The following FAF1 variants were observed in gnomAD, a reference collection of about 807,000 sequenced individuals.
The protein encoded by FAF1 is Fas associated factor 1.
A neutral mutation model predicts 92.5 loss-of-function variants in FAF1; 25 were observed. That is an observed-to-expected ratio of 0.27 (90% confidence interval 0.20 to 0.38). FAF1 has a LOEUF of 0.38. Among genes scored for constraint, FAF1 ranks in the 10% least tolerant of loss-of-function variants. The pLI, the probability that FAF1 is intolerant of heterozygous loss-of-function variation, is 1.00. For missense variants in FAF1, 636 were observed against 793.3 expected (o/e 0.80, Z 2.38); for synonymous variants, 234 against 273.2 (o/e 0.86, Z 1.42).
intron 12 of FAF1, among the ~76,000 whole-genome samples, chr1:50,571,414 T>C (rs1004311516): frequency 6.6e-6 from 1 of 152,200 alleles, no homozygotes; most frequent in African/African-American, 2.4e-5. Flanking sequence ...AATGGGTTGT[T>C]GTAAGCATCG....
chr1:50,729,199 G>C (rs1235962786), intron 6 of FAF1, among the ~76,000 whole-genome samples: 2 of 151,332 alleles, frequency 1.3e-5, no homozygotes, highest in African/African-American at 4.9e-5. Flanking sequence ...GGGATAACAG[G>C]CATGCGCCAC....
chr1:50,493,365 G>A (rs546225106), intron 15 of FAF1, among the ~76,000 whole-genome samples: 2 of 152,282 alleles, frequency 1.3e-5, no homozygotes, highest in African/African-American at 4.8e-5. Flanking sequence ...CTATGCCTCT[G>A]TGGATAAGTC....
chr1:50,633,694 G>C (rs1653888134), intron 8 of FAF1, among the ~76,000 whole-genome samples: 2 of 152,300 alleles, frequency 1.3e-5, no homozygotes, highest in East Asian at 3.9e-4. Flanking sequence ...GGCATGTGCA[G>C]CCTCTCAGAG....
At chr1:50,920,258 C>T (rs545980851) in intron 1 of FAF1, among the ~76,000 whole-genome samples, 65 of 150,498 alleles carry the variant, frequency 4.3e-4, no homozygotes, top group African/African-American at 1.2e-3. Flanking sequence ...GCCAAGATCG[C>T]GCCACCACAC....
intron 8 of FAF1, among the ~76,000 whole-genome samples, chr1:50,635,001 A>G (rs1653945707): frequency 6.6e-6 from 1 of 152,218 alleles, no homozygotes; most frequent in South Asian, 2.1e-4. Context: ...CTTGGCTCAG[A>G]TAAGATCATG....
intron 2 of FAF1, among the ~76,000 whole-genome samples, chr1:50,836,974 T>TC (rs1397911641): frequency 6.8e-6 from 1 of 146,180 alleles, no homozygotes; most frequent in Non-Finnish European, 1.5e-5. Context: ...TTTTTTTTTT[T>TC]TGAGATGGAG....
intron 1 of FAF1, among the ~76,000 whole-genome samples, chr1:50,875,246 G>A (rs998343231): frequency 6.6e-6 from 1 of 151,500 alleles, no homozygotes; most frequent in Non-Finnish European, 1.5e-5. Context: ...GTAGATTTTG[G>A]GGGTTTGTTG....
intron 2 of FAF1, among the ~76,000 whole-genome samples, chr1:50,855,236 T>C (rs1335896103): frequency 6.6e-6 from 1 of 151,860 alleles, no homozygotes; most frequent in Non-Finnish European, 1.5e-5. Context: ...AGTTAGAGAC[T>C]ACATCTTGTT....
intron 18 of FAF1, chr1:50,461,349 C>T (rs901180059): frequency 6.6e-6 from 1 of 152,120 alleles, no homozygotes; most frequent in African/African-American, 2.4e-5. Context: ...CCTGTCGTAT[C>T]TGCCCTGCCA....
chr1:50,863,010 T>C (rs1391191649), intron 1 of FAF1, among the ~76,000 whole-genome samples: 1 of 151,866 alleles, frequency 6.6e-6, no homozygotes, highest in African/African-American at 2.4e-5. Context: ...CTAGAACAAA[T>C]GGACTTAACA....
At chr1:50,797,670 G>T (rs1661814091) in intron 3 of FAF1, among the ~76,000 whole-genome samples, 1 of 152,100 alleles carries the variant, frequency 6.6e-6, no homozygotes, top group Non-Finnish European at 1.5e-5. Context: ...GGGCTACAGA[G>T]CAAGAGCCTG....
At position 50,642,541 on chromosome 1, in the gene FAF1, C is replaced by T. The variant is rs953985386; in HGVS notation, c.744+12901G>A. On this transcript the variant is annotated intron_variant, in intron 8 of 18. Coordinates refer to ENST00000396153, the MANE Select transcript of FAF1 (RefSeq NM_007051.3). ...GCATATGCCTGTAATCCCAGCTACTCAGGAGGCTGAGGCAGAAGAGTCACT... is the reference window on the plus strand; with the variant it reads ...GCATATGCCTGTAATCCCAGCTACTTAGGAGGCTGAGGCAGAAGAGTCACT... 1.1e-3 allele frequency among the ~76,000 whole-genome samples: 171 copies of T among 151,792 alleles called. 1 individual carries two copies. Among genetic ancestry groups the T allele is most frequent in the Non-Finnish European group, 9.7e-4 (66 of 67,940 alleles).
chr1:50,847,240 CT>C (rs1213257810), intron 2 of FAF1, among the ~76,000 whole-genome samples: 1 of 151,572 alleles, frequency 6.6e-6, no homozygotes, highest in African/African-American at 2.4e-5. Context: ...GCAATTTTGG[CT>C]TTGATAATAA....
chr1:50,720,486 A>G (rs11205762), intron 6 of FAF1, among the ~76,000 whole-genome samples: 8,242 of 152,268 alleles, frequency 0.054, 719 homozygotes, highest in African/African-American at 0.19. Flanking sequence ...TACAATACTG[A>G]TAACTTAAAA....
intron 1 of FAF1, among the ~76,000 whole-genome samples, chr1:50,916,023 G>C (rs954391817): frequency 6.6e-6 from 1 of 152,152 alleles, no homozygotes; most frequent in Admixed American, 6.5e-5. Context: ...CCCTCTGTTT[G>C]ATAATTCCAG....
At chr1:50,452,806 T>C (rs1265710972) in intron 18 of FAF1, among the ~76,000 whole-genome samples, 1 of 152,196 alleles carries the variant, frequency 6.6e-6, no homozygotes, top group Non-Finnish European at 1.5e-5. Context: ...TGGATTTAAA[T>C]CTTAGCACTG....
At chr1:50,810,039 T>A (rs1230403062) in intron 2 of FAF1, among the ~76,000 whole-genome samples, 1 of 152,162 alleles carries the variant, frequency 6.6e-6, no homozygotes, top group Non-Finnish European at 1.5e-5. Flanking sequence ...GTGGATCACA[T>A]GAGGTCAGCA....
chr1:50,519,860 C>T (rs187587839), intron 15 of FAF1, among the ~76,000 whole-genome samples: 21 of 152,268 alleles, frequency 1.4e-4, no homozygotes, highest in Non-Finnish European at 1.0e-4. Context: ...AAAAAATTTG[C>T]CCTGGTGAGG....
intron 1 of FAF1, among the ~76,000 whole-genome samples, chr1:50,875,319 T>C (rs1377089760): frequency 1.3e-5 from 2 of 152,196 alleles, no homozygotes; most frequent in East Asian, 3.8e-4. Context: ...TATAATGTTT[T>C]GAAATATGTA....
Sources: allele counts gnomAD v4.1 joint callset (sites outside exome capture counted in the v4.1 genomes callset), GRCh38; gene constraint gnomAD v4.1.1; transcripts MANE v1.5; gene names NCBI Gene and HGNC (gene_info 2026-07-23, HGNC 2026-07-21).